The following N4BP2L2 variants were observed in gnomAD, a reference collection of about 807,000 sequenced individuals.
N4BP2L2 encodes the protein NEDD4 binding protein 2 like 2.
Under a neutral mutation model 56.2 loss-of-function variants are expected in N4BP2L2, and 50 were observed. The observed-to-expected ratio is 0.89, with a 90% CI of 0.71 to 1.13. The LOEUF (loss-of-function observed/expected upper bound fraction) is 1.13, where lower values mean the gene tolerates loss of function less well. N4BP2L2 is among the 50% of genes most tolerant of loss of function. The probability of loss-of-function intolerance (pLI) is 0.00; values close to 1 mark genes in which losing one functional copy is unlikely to be tolerated. For synonymous variants in N4BP2L2, 203 were observed against 223.6 expected (o/e 0.91, Z 0.82); for missense variants, 689 against 693.8 (o/e 0.99, Z 0.08).
intron 6 of N4BP2L2, among the ~76,000 whole-genome samples, chr13:32,460,723 G>T (rs899459364): frequency 2.0e-5 from 3 of 151,846 alleles, no homozygotes; most frequent in Non-Finnish European, 4.4e-5. Context: ...CAAAGAAATA[G>T]AAAAAAATCA....
chr13:32,450,758 G>A (rs1298221520), intron 6 of N4BP2L2, among the ~76,000 whole-genome samples: 1 of 152,014 alleles, frequency 6.6e-6, no homozygotes, highest in Non-Finnish European at 1.5e-5. Flanking sequence ...AGACTCCAGA[G>A]TAGCTGGGAC....
intron 6 of N4BP2L2, among the ~76,000 whole-genome samples, chr13:32,498,375 C>A (rs111679078): frequency 0.011 from 1,748 of 152,258 alleles, 43 homozygotes; most frequent in African/African-American, 0.039. Flanking sequence ...AAGACAGAAT[C>A]TCGTTCTGTT....
At chr13:32,441,133 G>T (rs934671370) in intron 7 of N4BP2L2, among the ~76,000 whole-genome samples, 1 of 152,144 alleles carries the variant, frequency 6.6e-6, no homozygotes, top group Non-Finnish European at 1.5e-5. Context: ...AGGATTACAG[G>T]TGTGAGCCAC....
chr13:32,504,564 G>C (rs758417547), intron 6 of N4BP2L2: 2 of 152,134 alleles, frequency 1.3e-5, no homozygotes, highest in Non-Finnish European at 2.9e-5. Flanking sequence ...TAGGAGTTAG[G>C]ACTTTAACTT....
At chr13:32,536,104 T>C in exon 2 of N4BP2L2, 1 of 1,614,136 alleles carries the variant, frequency 6.2e-7, no homozygotes, top group Non-Finnish European at 8.5e-7. Context: ...GAGAGTCATC[T>C]TGGGCTTGGA....
At chr13:32,493,414 C>T (rs1271623756) in intron 6 of N4BP2L2, among the ~76,000 whole-genome samples, 1 of 152,176 alleles carries the variant, frequency 6.6e-6, no homozygotes, top group Non-Finnish European at 1.5e-5. Context: ...AACCTATTTA[C>T]AGTACATTCA....
intron 6 of N4BP2L2, among the ~76,000 whole-genome samples, chr13:32,498,067 C>G (rs2089166665): frequency 6.6e-6 from 1 of 151,518 alleles, no homozygotes; most frequent in Non-Finnish European, 1.5e-5. Flanking sequence ...CTCATTTCAA[C>G]CTCCACCTCC....
chr13:32,516,578 G>A (rs2049260659), exon 6 of N4BP2L2: 1 of 151,970 alleles, frequency 6.6e-6, no homozygotes, highest in Non-Finnish European at 1.5e-5. Flanking sequence ...AAATACTATG[G>A]GATTCAAGAT....
At chr13:32,498,028 T>C (rs778922945) in intron 6 of N4BP2L2, among the ~76,000 whole-genome samples, 4 of 152,188 alleles carry the variant, frequency 2.6e-5, no homozygotes, top group Admixed American at 1.3e-4. Flanking sequence ...CTCTGTCACC[T>C]GGGCTGGAGT....
At chr13:32,507,975 T>C (rs1308110088), downstream of N4BP2L2, 2 of 152,042 alleles carry the variant, frequency 1.3e-5, no homozygotes, top group Admixed American at 6.6e-5. Flanking sequence ...AATTCTAAAA[T>C]TCAAGGACCA....
At chr13:32,518,862 T>C (rs207645) in intron 5 of N4BP2L2, among the ~76,000 whole-genome samples, 94,303 of 151,934 alleles carry the variant, frequency 0.62, 31,251 homozygotes, top group Non-Finnish European at 0.75. Flanking sequence ...TATGTGAGGT[T>C]ATATGACACT....
chr13:32,441,798 CTT>C (rs2076402112), intron 7 of N4BP2L2, among the ~76,000 whole-genome samples: 1 of 150,050 alleles, frequency 6.7e-6, no homozygotes, highest in South Asian at 2.1e-4. Flanking sequence ...AATCCCAGCA[CTT>C]TGGGAGGCCG....
At chr13:32,439,366 C>T (rs2075917998) in intron 7 of N4BP2L2, among the ~76,000 whole-genome samples, 1 of 152,142 alleles carries the variant, frequency 6.6e-6, no homozygotes, top group Non-Finnish European at 1.5e-5. Context: ...GTTTAATTAA[C>T]GGATGCTTGA....
intron 6 of N4BP2L2, among the ~76,000 whole-genome samples, chr13:32,474,135 A>G (rs1483711188): frequency 6.6e-6 from 1 of 152,178 alleles, no homozygotes; most frequent in African/African-American, 2.4e-5. Flanking sequence ...GTCTTATCTA[A>G]AACTTATTTT....
intron 6 of N4BP2L2, among the ~76,000 whole-genome samples, chr13:32,482,834 T>C (rs2085060962): frequency 6.6e-6 from 1 of 152,242 alleles, no homozygotes; most frequent in South Asian, 2.1e-4. Context: ...TTAGGTGTTT[T>C]GTTTTGGCTA....
chr13:32,441,726 AATAAATAAATAT>A (rs2076376712), intron 7 of N4BP2L2, among the ~76,000 whole-genome samples: 1 of 145,218 alleles, frequency 6.9e-6, no homozygotes, highest in African/African-American at 2.6e-5. Context: ...TAAATAAATA[AATAAATAAATAT>A]AAAAAAAGAA....
At chr13:32,508,410 T>C (rs141120071), downstream of N4BP2L2, 2 of 152,006 alleles carry the variant, frequency 1.3e-5, no homozygotes, top group South Asian at 4.1e-4. Context: ...TAATTGACAA[T>C]GTATAAAATT....
chr13:32,500,546 CAAA>C (rs1169575568), intron 6 of N4BP2L2, among the ~76,000 whole-genome samples: 8 of 52,198 alleles, frequency 1.5e-4, no homozygotes, highest in Admixed American at 1.4e-3. Flanking sequence ...CCTGTCTCTA[CAAA>C]AAAAAAAAAA....
chr13:32,442,429 A>G, exon 7 of N4BP2L2: 2 of 1,604,580 alleles, frequency 1.2e-6, no homozygotes, highest in South Asian at 2.3e-5. Flanking sequence ...TACTAATTGA[A>G]AGGCAAACCC....
Sources: allele counts gnomAD v4.1 joint callset (sites outside exome capture counted in the v4.1 genomes callset), GRCh38; gene constraint gnomAD v4.1.1; transcripts MANE v1.5; gene names NCBI Gene and HGNC (gene_info 2026-07-23, HGNC 2026-07-21).